GRM1: variants seen among roughly 807,000 people sequenced by gnomAD.
GRM1 encodes metabotropic glutamate receptor 1.
Under a neutral mutation model 90.9 loss-of-function variants are expected in GRM1, and 33 were observed. The observed-to-expected ratio is 0.36, with a 90% CI of 0.28 to 0.49. The LOEUF (loss-of-function observed/expected upper bound fraction) is 0.49, where lower values mean the gene tolerates loss of function less well. Among genes scored for constraint, GRM1 ranks in the 20% least tolerant of loss-of-function variants. The pLI is 0.99. For missense variants in GRM1, 1,190 were observed against 1,534.3 expected (o/e 0.78, Z 3.75); for synonymous variants, 700 against 613.2 (o/e 1.14, Z -2.09).
At chr6:146,411,714 ATACT>A (rs1356881457) in intron 7 of GRM1, among the ~76,000 whole-genome samples, 2 of 152,188 alleles carry the variant, frequency 1.3e-5, no homozygotes, top group African/African-American at 2.4e-5. Flanking sequence ...ACAAAGAGAA[ATACT>A]TAAGTAAGAA....
At chr6:146,423,651 T>C (rs539191496) in intron 7 of GRM1, among the ~76,000 whole-genome samples, 54 of 152,200 alleles carry the variant, frequency 3.5e-4, no homozygotes, top group Middle Eastern at 3.4e-3. Context: ...GAGCTTCCTG[T>C]CCAATTTCCG....
intron 1 of GRM1, among the ~76,000 whole-genome samples, chr6:146,146,487 G>A (rs1777107692): frequency 6.6e-6 from 1 of 152,134 alleles, no homozygotes; most frequent in Admixed American, 6.5e-5. Context: ...AATGAATTAA[G>A]ACTTTGGGGT....
At chr6:146,302,150 A>G in intron 2 of GRM1, among the ~76,000 whole-genome samples, 1 of 151,172 alleles carries the variant, frequency 6.6e-6, no homozygotes, top group Non-Finnish European at 1.5e-5. Flanking sequence ...TCTGCCAGGA[A>G]CCTTCTATAC....
At position 146,399,657 on chromosome 6, in the gene GRM1, TCAA is replaced by T. The variant is rs1317911736; in HGVS notation, c.2621_2623del (p.Asn874del). On this transcript the variant is annotated inframe_deletion, in exon 7 of 8. Coordinates refer to ENST00000282753, the MANE Select transcript of GRM1 (RefSeq NM_001278064.2). This position sits in a 1 kb window ranked among gnomAD's most constrained non-coding sequence, Gnocchi z 5.4. ...CTGCCCTGCCGCTCCAACACTTTCC[TCAA>T]CATCTTCCGAAGAAAGAAGGCAGGG... 3 of 1,613,814 alleles carry T rather than the reference TCAA, an allele frequency of 1.9e-6. No homozygotes were observed. The highest frequency in any genetic ancestry group is 2.7e-5 in the African/African-American group (2 of 74,928).
At chr6:146,055,109 A>G (rs759423839) in intron 1 of GRM1, among the ~76,000 whole-genome samples, 7 of 152,148 alleles carry the variant, frequency 4.6e-5, no homozygotes, top group Admixed American at 2.0e-4. Context: ...CACCTGGCAC[A>G]TATGAGCTAT....
In GRM1 at chr6:146,030,018, A is replaced by C. The variant is rs180711288; in HGVS notation, c.501A>C (p.Val167=). ...AGVIGPGSSS[V]AIQVQNLLQL... Reference sequence around the variant, plus strand: ...TGATCGGTCCCGGCTCCAGCTCTGTAGCCATTCAAGTGCAGAACCTGCTCC... The same window carrying C: ...TGATCGGTCCCGGCTCCAGCTCTGTCGCCATTCAAGTGCAGAACCTGCTCC... The change falls in exon 1 of 8, where the codon GTA becomes GTC. Residue 167 remains valine (V), a synonymous_variant. Coordinates refer to ENST00000282753, the MANE Select transcript of GRM1 (RefSeq NM_001278064.2). 58 of 1,614,172 alleles carry C rather than the reference A, an allele frequency of 3.6e-5. No homozygotes were observed. Among genetic ancestry groups the C allele is most frequent in the Admixed American group, 1.2e-4 (7 of 60,030 alleles).
intron 1 of GRM1, among the ~76,000 whole-genome samples, chr6:146,062,526 A>G (rs950056482): frequency 2.7e-5 from 4 of 149,542 alleles, no homozygotes; most frequent in Non-Finnish European, 5.9e-5. Flanking sequence ...AAAATAAAAT[A>G]AAATAAAATG....
intron 2 of GRM1, among the ~76,000 whole-genome samples, chr6:146,271,977 C>T (rs1301993571): frequency 6.6e-6 from 1 of 152,132 alleles, no homozygotes; most frequent in East Asian, 1.9e-4. Context: ...AAGAAAATGG[C>T]AGTTCCTTTT....
chr6:146,179,908 G>A (rs960396734), intron 2 of GRM1, among the ~76,000 whole-genome samples: 5 of 152,008 alleles, frequency 3.3e-5, no homozygotes, highest in Admixed American at 6.6e-5. Flanking sequence ...TTGGGAGGCC[G>A]AGGCAGGAGG....
At chr6:146,229,113 A>T (rs182209822) in intron 2 of GRM1, among the ~76,000 whole-genome samples, 1 of 152,064 alleles carries the variant, frequency 6.6e-6, no homozygotes, top group East Asian at 1.9e-4. Flanking sequence ...CTAAAATTGT[A>T]TTTATTTTTA....
intron 2 of GRM1, among the ~76,000 whole-genome samples, chr6:146,248,935 GC>G (rs1236733458): frequency 6.6e-6 from 1 of 152,150 alleles, no homozygotes. Flanking sequence ...GAAATTTTCA[GC>G]ATTTTTCCCC....
chr6:146,352,046 A>G (rs1469487674), intron 3 of GRM1, among the ~76,000 whole-genome samples: 1 of 152,162 alleles, frequency 6.6e-6, no homozygotes, highest in Admixed American at 6.5e-5. Flanking sequence ...TCGAATAGAG[A>G]GAATAAAACT....
At chr6:146,235,906 T>C (rs1015313848) in intron 2 of GRM1, among the ~76,000 whole-genome samples, 10 of 152,228 alleles carry the variant, frequency 6.6e-5, no homozygotes, top group Non-Finnish European at 7.4e-5. Flanking sequence ...AGTGACAACA[T>C]CTGGGTCATG....
At chr6:146,428,677 T>C (rs1357954233) in intron 7 of GRM1, among the ~76,000 whole-genome samples, 2 of 152,208 alleles carry the variant, frequency 1.3e-5, no homozygotes, top group African/African-American at 2.4e-5. Context: ...TGAAGAAATA[T>C]AATCATATTT....
At chr6:146,231,157 T>C (rs549748130) in intron 2 of GRM1, among the ~76,000 whole-genome samples, 1 of 152,106 alleles carries the variant, frequency 6.6e-6, no homozygotes, top group Admixed American at 6.6e-5. Flanking sequence ...AACTATAAAC[T>C]TTTGGTGATT....
At chr6:146,164,858 T>C (rs1023771467) in intron 2 of GRM1, among the ~76,000 whole-genome samples, 1 of 152,270 alleles carries the variant, frequency 6.6e-6, no homozygotes, top group African/African-American at 2.4e-5. Context: ...TAGGAGTCTT[T>C]GACTAGACAT....
At chr6:146,096,319 G>A (rs1297475665) in intron 1 of GRM1, among the ~76,000 whole-genome samples, 1 of 152,148 alleles carries the variant, frequency 6.6e-6, no homozygotes, top group Non-Finnish European at 1.5e-5. Context: ...GGTTGGAAGA[G>A]ACCTGGAGAT....
chr6:146,246,758 A>G (rs1354132647), intron 2 of GRM1, among the ~76,000 whole-genome samples: 1 of 152,232 alleles, frequency 6.6e-6, no homozygotes, highest in African/African-American at 2.4e-5. Flanking sequence ...TACATATTGT[A>G]CTTTGATGAA....
chr6:146,320,995 A>G (rs1037003785), intron 3 of GRM1, among the ~76,000 whole-genome samples: 16 of 150,478 alleles, frequency 1.1e-4, no homozygotes, highest in African/African-American at 3.9e-4. Context: ...GATCTTAGTT[A>G]TTTCTTGTCT....
Sources: allele counts gnomAD v4.1 joint callset (sites outside exome capture counted in the v4.1 genomes callset), GRCh38; gene constraint gnomAD v4.1.1; non-coding constraint Gnocchi (gnomAD v3.1); transcripts MANE v1.5; gene names NCBI Gene and HGNC (gene_info 2026-07-23, HGNC 2026-07-21).